Variants in PTPRD observed in about 807,000 individuals in gnomAD.
PTPRD encodes protein tyrosine phosphatase receptor type D.
PTPRD carries 34 observed loss-of-function variants against 214.5 expected under a neutral mutation model. That is an observed-to-expected ratio of 0.16 (90% CI 0.12 to 0.21). The LOEUF (loss-of-function observed/expected upper bound fraction) is 0.21. Among genes scored for constraint, PTPRD ranks in the 10% least tolerant of loss-of-function variants. The pLI is 1.00. For synonymous variants in PTPRD, 1,128 were observed against 845.7 expected, an observed-to-expected ratio of 1.33 and a Z score of -5.79; for missense variants, 2,545 against 2,398.7, an observed-to-expected ratio of 1.06 and a Z score of -1.27.
intron 9 of PTPRD, among the ~76,000 whole-genome samples, chr9:9,365,242 T>C (rs553717167): frequency 6.6e-6 from 1 of 151,678 alleles, no homozygotes; most frequent in East Asian, 1.9e-4. Context: ...GTCTCTATTA[T>C]ATGACCAGAG....
intron 11 of PTPRD, among the ~76,000 whole-genome samples, chr9:8,914,079 C>T (rs955609142): frequency 1.3e-5 from 2 of 152,178 alleles, no homozygotes; most frequent in East Asian, 1.9e-4. Context: ...AATTGAAAGT[C>T]AGTGCTCTGA....
At position 10,224,933 on chromosome 9, in the gene PTPRD, C is replaced by T. The variant is rs569329978; in HGVS notation, c.-545+116030G>A. Among the ~76,000 whole-genome samples, 73 of 152,150 alleles carry T rather than the reference C, an allele frequency of 4.8e-4. 1 individual carries two copies. The South Asian group carries it at 0.014, about 30-fold the overall frequency. ...AGAATACAGTACATAATACAAATTA[C>T]ATACAACATATGTGTTAATTAACTG... is the stretch of plus-strand genomic sequence containing the variant. On this transcript the variant is annotated intron_variant, in intron 3 of 45. Transcript: ENST00000381196.
intron 4 of PTPRD, among the ~76,000 whole-genome samples, chr9:9,982,118 G>A (rs1032207553): frequency 6.6e-6 from 1 of 152,140 alleles, no homozygotes; most frequent in Non-Finnish European, 1.5e-5. Context: ...CGAACATATG[G>A]TGAAGCACGG....
chr9:10,467,009 G>C (rs77494058), intron 2 of PTPRD, among the ~76,000 whole-genome samples: 1 of 152,058 alleles, frequency 6.6e-6, no homozygotes, highest in African/African-American at 2.4e-5. Flanking sequence ...AGAGTTCCCC[G>C]GGAACCACAT....
Position 9,288,104 on chromosome 9 carries a change from G to C in PTPRD, c.-202-104741C>G, listed in dbSNP as rs1318157102. ...CATATGAGCAAACATGAGAAACAAA[G>C]ACCACTGTCAGACCAATTTGTTTCT... is the stretch of plus-strand genomic sequence containing the variant. On this transcript the variant is annotated intron_variant, in intron 9 of 45. Transcript: ENST00000381196. Among the ~76,000 whole-genome samples, 6 of 151,756 alleles carry C rather than the reference G, an allele frequency of 4.0e-5. No homozygotes were observed. In the East Asian group the frequency reaches 9.8e-4, roughly 25 times the overall value.
chr9:9,630,082 A>G (rs1239034715), intron 7 of PTPRD, among the ~76,000 whole-genome samples: 2 of 152,208 alleles, frequency 1.3e-5, no homozygotes, highest in East Asian at 3.9e-4. Flanking sequence ...TGGGACCACC[A>G]CAAGAAAAAG....
intron 5 of PTPRD, among the ~76,000 whole-genome samples, chr9:9,844,381 G>C (rs2059012520): frequency 6.6e-6 from 1 of 151,838 alleles, no homozygotes; most frequent in Non-Finnish European, 1.5e-5. Context: ...AATTTATATA[G>C]GAAACTTTAA....
intron 3 of PTPRD, among the ~76,000 whole-genome samples, chr9:10,329,127 T>C (rs2096703034): frequency 6.6e-6 from 1 of 151,812 alleles, no homozygotes; most frequent in East Asian, 1.9e-4. Context: ...GAGTTGCCTA[T>C]GAAGTGTGGT....
chr9:9,834,548 G>T (rs2056144725), intron 5 of PTPRD, among the ~76,000 whole-genome samples: 1 of 151,922 alleles, frequency 6.6e-6, no homozygotes, highest in South Asian at 2.1e-4. Flanking sequence ...TATGCATTTG[G>T]AAAAGATAAC....
At chr9:8,355,941 C>T (rs1038756230) in intron 39 of PTPRD, among the ~76,000 whole-genome samples, 1 of 152,046 alleles carries the variant, frequency 6.6e-6, no homozygotes, top group African/African-American at 2.4e-5. Context: ...AAAAGGTGCA[C>T]AGAATACACT....
chr9:10,045,529 T>C (rs928853377), intron 3 of PTPRD, among the ~76,000 whole-genome samples: 3 of 151,738 alleles, frequency 2.0e-5, no homozygotes, highest in African/African-American at 7.2e-5. Context: ...AGATATTTTT[T>C]ATATTCACTA....
chr9:8,782,759 C>G (rs2095783559), intron 11 of PTPRD, among the ~76,000 whole-genome samples: 1 of 151,932 alleles, frequency 6.6e-6, no homozygotes, highest in South Asian at 2.1e-4. Context: ...CACCACCTGA[C>G]TAATTTTTAT....
At chr9:8,933,473 A>C (rs2098968666) in intron 11 of PTPRD, among the ~76,000 whole-genome samples, 1 of 151,136 alleles carries the variant, frequency 6.6e-6, no homozygotes, top group South Asian at 2.1e-4. Flanking sequence ...AGCTTACATG[A>C]GTACATTTTA....
intron 2 of PTPRD, among the ~76,000 whole-genome samples, chr9:10,461,166 G>T (rs1418425855): frequency 6.6e-6 from 1 of 151,548 alleles, no homozygotes; most frequent in Non-Finnish European, 1.5e-5. Flanking sequence ...TAATTCCACA[G>T]GAAATACAAT....
At chr9:9,713,133 GT>G (rs112084252) in intron 7 of PTPRD, among the ~76,000 whole-genome samples, 50,554 of 151,916 alleles carry the variant, frequency 0.33, 9,138 homozygotes, top group Middle Eastern at 0.48. Flanking sequence ...TCCACCTTTG[GT>G]TTTTTAGAAA....
chr9:10,392,028 A>G (rs1195708857), intron 2 of PTPRD, among the ~76,000 whole-genome samples: 3 of 151,376 alleles, frequency 2.0e-5, no homozygotes, highest in African/African-American at 7.3e-5. Flanking sequence ...CTTCCCTACT[A>G]CGTTTTATTT....
rs1010671432 is a variant in PTPRD at position 8,493,001 on chromosome 9, T to C, written c.2350-22A>G. On this transcript the variant is annotated intron_variant, in intron 26 of 45. Transcript: ENST00000381196. ...TGTCCTGAAATGACAAAATAGAATG[T>C]CACTGATTCAAAACATGCTACTAAT... 7 of 1,580,666 alleles carry C rather than the reference T, an allele frequency of 4.4e-6. No individual in the cohort carries two copies. In the African/African-American group the frequency reaches 8.1e-5, roughly 18 times the overall value.
chr9:9,342,465 C>T (rs139801677), intron 9 of PTPRD, among the ~76,000 whole-genome samples: 85 of 152,002 alleles, frequency 5.6e-4, no homozygotes, highest in African/African-American at 1.5e-3. Context: ...TTATAGGTGA[C>T]GAGATTAATA....
intron 5 of PTPRD, among the ~76,000 whole-genome samples, chr9:9,900,641 G>GTTTGGTTTTTTTTTTTTTTT (rs1555302233): frequency 5.0e-5 from 6 of 120,108 alleles, no homozygotes; most frequent in African/African-American, 1.9e-4. Context: ...ACATTTTCAG[G>GTTTGGTTTTTTTTTTTTTTT]TTTTTTTTTT....
Sources: allele counts gnomAD v4.1 joint callset (sites outside exome capture counted in the v4.1 genomes callset), GRCh38; gene constraint gnomAD v4.1.1; transcripts MANE v1.5; gene names NCBI Gene and HGNC (gene_info 2026-07-23, HGNC 2026-07-21).